EMG1: variants seen among roughly 807,000 people sequenced by gnomAD.
The protein encoded by EMG1 is ribosomal RNA small subunit methyltransferase NEP1.
EMG1 carries 24 observed loss-of-function variants against 26.9 expected under a neutral mutation model. The observed-to-expected ratio is 0.89, with a 90% CI of 0.65 to 1.26. EMG1 has a LOEUF of 1.26. Among genes scored for constraint, EMG1 ranks in the 50% most tolerant of loss-of-function variants. The probability of loss-of-function intolerance (pLI) is 0.00; values close to 1 mark genes in which losing one functional copy is unlikely to be tolerated. For missense variants in EMG1, 299 were observed against 307.6 expected, an observed-to-expected ratio of 0.97 and a Z score of 0.21; for synonymous variants, 140 against 112.6, an observed-to-expected ratio of 1.24 and a Z score of -1.54.
At chr12:6,994,233 A>T (rs1946615544) in intron 7 of EMG1, among the ~76,000 whole-genome samples, 1 of 151,874 alleles carries the variant, frequency 6.6e-6, no homozygotes, top group African/African-American at 2.4e-5. Context: ...TTTGGGACAG[A>T]GTCTCTCTGT....
downstream of EMG1, chr12:6,980,910 G>T: frequency 2.3e-6 from 3 of 1,292,660 alleles, no homozygotes; most frequent in Non-Finnish European, 3.2e-6. Flanking sequence ...AGGTCTCTAT[G>T]CCAGGGTCAT....
chr12:6,983,912 G>T (rs1372560690), downstream of EMG1, among the ~76,000 whole-genome samples: 1 of 152,138 alleles, frequency 6.6e-6, no homozygotes, highest in Non-Finnish European at 1.5e-5. Flanking sequence ...GGAGGCTGAG[G>T]CAAGGGGATT....
intron 7 of EMG1, among the ~76,000 whole-genome samples, chr12:6,994,757 T>C (rs1392712099): frequency 1.3e-5 from 2 of 152,210 alleles, no homozygotes; most frequent in African/African-American, 2.4e-5. Flanking sequence ...GCTTGGCCAA[T>C]GTTCACTCTT....
downstream of EMG1, chr12:6,983,557 TAAG>T (rs1489560152): frequency 6.7e-6 from 10 of 1,502,100 alleles, no homozygotes; most frequent in Admixed American, 3.4e-5. Flanking sequence ...GGGGAAAAGA[TAAG>T]AAGAGTGTTA....
At chr12:6,985,898 C>T (rs1946521052) in intron 6 of EMG1, among the ~76,000 whole-genome samples, 2 of 151,694 alleles carry the variant, frequency 1.3e-5, no homozygotes, top group South Asian at 4.2e-4. Flanking sequence ...CTTCAGCCTC[C>T]CAAGTAGCTG....
At position 6,974,650 on chromosome 12, in the gene EMG1, G is replaced by A. The variant is rs782394322; in HGVS notation, c.369G>A (p.Gln123=). The A allele has an allele frequency of 3.7e-6, 6 of 1,613,968 alleles. No homozygotes were observed. The highest frequency in any genetic ancestry group is 2.2e-5 in the South Asian group (2 of 91,076). The change falls in exon 3 of 6, where the codon CAG becomes CAA. Residue 123 remains glutamine (Q), a synonymous_variant. Coordinates refer to ENST00000599672, the MANE Select transcript of EMG1 (RefSeq NM_006331.8). ...ATGTTCTGATTGAAGTGAATCCCCAGACCCGAATTCCCAGAACCTTTGACC... is the reference window on the plus strand; with the variant it reads ...ATGTTCTGATTGAAGTGAATCCCCAAACCCGAATTCCCAGAACCTTTGACC... ...QKNVLIEVNP[Q]TRIPRTFDRF...
chr12:6,991,807 G>A (rs952801562), downstream of EMG1, among the ~76,000 whole-genome samples: 2 of 152,082 alleles, frequency 1.3e-5, no homozygotes, highest in Non-Finnish European at 2.9e-5. Context: ...TTGAATAATC[G>A]CCCAAATGCT....
intron 7 of EMG1, among the ~76,000 whole-genome samples, chr12:6,993,819 T>C (rs1946610685): frequency 6.6e-6 from 1 of 152,194 alleles, no homozygotes; most frequent in African/African-American, 2.4e-5. Flanking sequence ...ACTATGTTGC[T>C]CAGGCTGGTC....
downstream of EMG1, chr12:6,983,036 CA>C (rs1555154346): frequency 5.2e-6 from 3 of 578,456 alleles, no homozygotes; most frequent in Non-Finnish European, 9.7e-6. Context: ...GACTTGAGTG[CA>C]GTAGCTCAAT....
chr12:6,974,377 C>T lies in EMG1; in HGVS notation c.207C>T (p.His69=). 1 of 1,613,748 alleles carries T rather than the reference C, an allele frequency of 6.2e-7. No individual in the cohort carries two copies. Among genetic ancestry groups the T allele is most frequent in the South Asian group, 1.1e-5 (1 of 91,030 alleles). Residue 69 remains histidine, a synonymous_variant, in exon 2 of 6, where the codon CAC becomes CAT. Transcript: ENST00000599672. ...ATGAGCTACTCAACTGTGACAAGCACAAGTCTATATTGTTGAAGAATGGAC... is the reference window on the plus strand; with the variant it reads ...ATGAGCTACTCAACTGTGACAAGCATAAGTCTATATTGTTGAAGAATGGAC... The part of the protein sequence containing the change: ...KTYELLNCDK[H]KSILLKNGRD...
In EMG1 at chr12:6,977,905, A is replaced by G; in HGVS notation, c.*2096A>G. 1.2e-6 allele frequency: 1 copy of G among 811,224 alleles called. No individual in the cohort carries two copies. Among genetic ancestry groups the G allele is most frequent in the Non-Finnish European group, 1.9e-6 (1 of 515,560 alleles). The allele number at this position is 811,224 out of a possible 1,614,324, so 50.3% of individuals were successfully genotyped here. On this transcript the variant is annotated 3_prime_UTR_variant, in exon 6 of 6. Coordinates refer to ENST00000599672, the MANE Select transcript of EMG1 (RefSeq NM_006331.8). The surrounding 1 kb of genome is among the most constrained non-coding windows in gnomAD (Gnocchi z 4.5). The stretch of plus-strand genomic sequence containing the variant: ...GAGGCAGTGCTGACTGATTACTTTT[A>G]GAGATGGAAAGCAGACCCAAGGCGG...
At position 6,975,345 on chromosome 12, in the gene EMG1, T is replaced by C; in HGVS notation, c.588T>C (p.Ile196=). Residue 196 remains isoleucine, a synonymous_variant, in exon 5 of 6, where the codon ATT becomes ATC. Coordinates refer to ENST00000599672, the MANE Select transcript of EMG1 (RefSeq NM_006331.8). ...AGCTGGTGCCCAGCAGTGATCCTAT[T>C]GTTTTTGTGGTAGGGGCCTTTGCCC... is the stretch of plus-strand genomic sequence containing the variant. ...VRELVPSSDP[I]VFVVGAFAHG... 6.2e-7 allele frequency: 1 copy of C among 1,606,152 alleles called. No individual in the cohort carries two copies. Among genetic ancestry groups the C allele is most frequent in the Non-Finnish European group, 8.5e-7 (1 of 1,175,874 alleles).
chr12:6,994,150 T>C (rs1303475456), intron 7 of EMG1, among the ~76,000 whole-genome samples: 1 of 152,146 alleles, frequency 6.6e-6, no homozygotes, highest in African/African-American at 2.4e-5. Flanking sequence ...TGTGAACATA[T>C]GTTTTTATGT....
chr12:6,990,916 C>CAAAAAAAAA (rs59031613), downstream of EMG1, among the ~76,000 whole-genome samples: 1 of 68,144 alleles, frequency 1.5e-5, no homozygotes, highest in African/African-American at 3.8e-5. Flanking sequence ...GACTCCAAAT[C>CAAAAAAAAA]AAAAAAAAAA....
chr12:6,996,060 TC>T (rs1946633451), intron 7 of EMG1, among the ~76,000 whole-genome samples: 1 of 152,160 alleles, frequency 6.6e-6, no homozygotes, highest in Non-Finnish European at 1.5e-5. Context: ...GCCTCTATTC[TC>T]ACTCAGATCA....
chr12:6,971,912 A>C (rs1445687276), intron 1 of EMG1, among the ~76,000 whole-genome samples: 4 of 152,226 alleles, frequency 2.6e-5, no homozygotes, highest in South Asian at 4.1e-4. Flanking sequence ...CTCTTTCCCC[A>C]CATGTAATAG....
downstream of EMG1, chr12:6,982,670 G>A (rs782695153): frequency 6.9e-6 from 11 of 1,601,332 alleles, no homozygotes; most frequent in Non-Finnish European, 5.1e-6. Flanking sequence ...AGGGAAAGAC[G>A]TTTACCATCT....
rs1435796150 is a variant in EMG1 at position 6,979,391 on chromosome 12, C to T, written c.*3582C>T. The stretch of plus-strand genomic sequence containing the variant: ...CTTGTAGATGATATTTCCTACTTCT[C>T]TGCTATCTGTAGGGATCCTTGCCTG... On this transcript the variant is annotated 3_prime_UTR_variant, in exon 6 of 6. Coordinates refer to ENST00000599672, the MANE Select transcript of EMG1 (RefSeq NM_006331.8). The T allele has an allele frequency of 9.6e-7, 1 of 1,043,144 alleles. No individual in the cohort carries two copies. The highest frequency in any genetic ancestry group is 1.5e-6 in the Non-Finnish European group (1 of 675,746). 64.6% of individuals were successfully genotyped at this position (1,043,144 alleles called of 1,614,324 possible).
chr12:6,995,824 C>A (rs1193903262), intron 7 of EMG1, among the ~76,000 whole-genome samples: 2 of 152,112 alleles, frequency 1.3e-5, no homozygotes, highest in Non-Finnish European at 1.5e-5. Context: ...AAAATCTGAC[C>A]ACTTCTCTCC....
Sources: gnomAD v4.1 joint callset for allele counts (sites outside exome capture counted in the v4.1 genomes callset) on GRCh38, gnomAD v4.1.1 for gene constraint, Gnocchi (gnomAD v3.1) non-coding constraint, MANE v1.5 for transcripts, NCBI Gene and HGNC (gene_info 2026-07-23, HGNC 2026-07-21) for gene names.